The following USP15 variants were observed in gnomAD, a reference collection of about 807,000 sequenced individuals.
The protein encoded by USP15 is ubiquitin carboxyl-terminal hydrolase 15.
Under a neutral mutation model 127.1 loss-of-function variants are expected in USP15, and 18 were observed. That is an observed-to-expected ratio of 0.14 (90% CI 0.10 to 0.21). USP15 has a LOEUF of 0.21. USP15 is among the 10% of genes least tolerant of loss of function. The pLI is 1.00. For synonymous variants in USP15, 364 were observed against 393.7 expected, an observed-to-expected ratio of 0.92 and a Z score of 0.89; for missense variants, 805 against 1,159.9, an observed-to-expected ratio of 0.69 and a Z score of 4.44.
intron 5 of USP15, among the ~76,000 whole-genome samples, chr12:62,325,198 T>C (rs2065092132): frequency 6.6e-6 from 1 of 152,038 alleles, no homozygotes; most frequent in Non-Finnish European, 1.5e-5. Flanking sequence ...TAAAATAAAG[T>C]ATAGCTCTCC....
chr12:62,318,011 T>G (rs1455447519), intron 4 of USP15, among the ~76,000 whole-genome samples: 3 of 152,236 alleles, frequency 2.0e-5, no homozygotes, highest in Non-Finnish European at 4.4e-5. Flanking sequence ...ATTTCTAATT[T>G]TTGTGAGTAA....
chr12:62,415,464 A>G lies in USP15; in HGVS notation c.*11089A>G, dbSNP rs1247814364. ...CTGGGCACCCTGTGGCCCAGTCAAC[A>G]CATTAAATAAACCATCACATCCCTT... On this transcript the variant is annotated 3_prime_UTR_variant, in exon 22 of 22. Coordinates refer to ENST00000280377, the MANE Select transcript of USP15 (RefSeq NM_001252078.2). 6.6e-6 allele frequency: 1 copy of G among 152,222 alleles called. No homozygotes were observed. The highest frequency in any genetic ancestry group is 1.5e-5 in the Non-Finnish European group (1 of 68,044). 9.4% of individuals were successfully genotyped at this position (152,222 alleles called of 1,614,324 possible).
chr12:62,392,182 G>T, intron 17 of USP15, 90 bp from the exon 18 acceptor site: 1 of 861,186 alleles, frequency 1.2e-6, no homozygotes, highest in East Asian at 2.6e-5. Flanking sequence ...GAAAGTTTAG[G>T]AGTTTTCATT....
intron 21 of USP15, among the ~76,000 whole-genome samples, chr12:62,403,418 A>G (rs2067757313): frequency 6.6e-6 from 1 of 152,124 alleles, no homozygotes; most frequent in Non-Finnish European, 1.5e-5. Flanking sequence ...AGGAAAAGAA[A>G]TAGTGAAGCA....
chr12:62,304,249 A>G (rs2064410085), intron 3 of USP15, among the ~76,000 whole-genome samples: 1 of 152,196 alleles, frequency 6.6e-6, no homozygotes, highest in Non-Finnish European at 1.5e-5. Flanking sequence ...CAAAAATTTC[A>G]CACAAGTAGA....
Position 62,411,297 on chromosome 12 carries a change from A to G in USP15, c.*6922A>G, listed in dbSNP as rs1049710643. ...CTTTAACTGGCTCCTCACTTTTTAG[A>G]TGGATGGCACTGGGCTCTGGAGCAA... On this transcript the variant is annotated 3_prime_UTR_variant, in exon 22 of 22. Coordinates refer to ENST00000280377, the MANE Select transcript of USP15 (RefSeq NM_001252078.2). 6.6e-6 allele frequency: 1 copy of G among 152,198 alleles called. No individual in the cohort carries two copies. Among genetic ancestry groups the G allele is most frequent in the Admixed American group, 6.6e-5 (1 of 15,266 alleles). 9.4% of individuals were successfully genotyped at this position (152,198 alleles called of 1,614,324 possible). A position where few individuals can be genotyped will look rare whatever the true frequency, so the allele number is the denominator to read the frequency against.
chr12:62,294,523 G>A (rs946260478), intron 2 of USP15: 4 of 394,028 alleles, frequency 1.0e-5, no homozygotes, highest in African/African-American at 2.1e-5. Context: ...GATGTAATAA[G>A]GTTTTATTGT....
intron 15 of USP15, 82 bp from the exon 16 acceptor site, chr12:62,391,075 C>T: frequency 6.7e-7 from 1 of 1,502,862 alleles, no homozygotes; most frequent in East Asian, 2.5e-5. Flanking sequence ...TAAAAAATAC[C>T]TGGAAACCTA....
chr12:62,391,088 A>T (rs2067312223), intron 15 of USP15, 69 bp from the exon 16 acceptor site: 2 of 1,494,102 alleles, frequency 1.3e-6, no homozygotes, highest in Non-Finnish European at 8.9e-7. Context: ...GAAACCTAGG[A>T]TTAATAATAT....
At chr12:62,377,771 A>G (rs771833470) in intron 8 of USP15, among the ~76,000 whole-genome samples, 2 of 151,274 alleles carry the variant, frequency 1.3e-5, no homozygotes, top group Non-Finnish European at 2.9e-5. Context: ...CAGAATGATG[A>G]CATTGAATAC....
At chr12:62,342,976 A>C (rs1299728715) in intron 6 of USP15, among the ~76,000 whole-genome samples, 1 of 152,166 alleles carries the variant, frequency 6.6e-6, no homozygotes, top group Admixed American at 6.5e-5. Flanking sequence ...CTTCAGAGCC[A>C]GCAGCCAGGA....
intron 8 of USP15, 85 bp downstream of exon 8, chr12:62,355,560 C>T (rs367808844): frequency 2.8e-6 from 4 of 1,409,738 alleles, no homozygotes; most frequent in African/African-American, 2.9e-5. Flanking sequence ...CATGCCAGAA[C>T]ATGAGTATAT....
intron 5 of USP15, among the ~76,000 whole-genome samples, 185 bp from the exon 6 acceptor site, chr12:62,325,687 A>AG (rs2065105127): frequency 6.6e-6 from 1 of 151,970 alleles, no homozygotes; most frequent in African/African-American, 2.4e-5. Flanking sequence ...TTGTTATTTG[A>AG]GGTCTTTTAG....
intron 20 of USP15, among the ~76,000 whole-genome samples, chr12:62,398,713 G>A (rs1454493033): frequency 1.3e-5 from 2 of 152,120 alleles, no homozygotes; most frequent in Non-Finnish European, 2.9e-5. Flanking sequence ...CCTTAAACGT[G>A]TGTATGCTTG....
At position 62,405,862 on chromosome 12, in the gene USP15, A is replaced by G. The variant is rs1372503146; in HGVS notation, c.*1487A>G. 6.6e-6 allele frequency: 1 copy of G among 152,578 alleles called. No individual in the cohort carries two copies. Among genetic ancestry groups the G allele is most frequent in the Admixed American group, 6.6e-5 (1 of 15,264 alleles). 9.5% of individuals were successfully genotyped at this position (152,578 alleles called of 1,614,324 possible). Reference sequence around the variant, plus strand: ...TTTATGTTAGCATTTAAAAGTTTAAAAAAAATGCATTTGACCAGGATAAAT... The same window carrying G: ...TTTATGTTAGCATTTAAAAGTTTAAGAAAAATGCATTTGACCAGGATAAAT... On this transcript the variant is annotated 3_prime_UTR_variant, in exon 22 of 22. Transcript: ENST00000280377.
intron 1 of USP15, among the ~76,000 whole-genome samples, chr12:62,261,355 AACTT>A: frequency 6.6e-6 from 1 of 152,356 alleles, no homozygotes; most frequent in East Asian, 1.9e-4. Flanking sequence ...CATCTACAAT[AACTT>A]AAATATGTGA....
At position 62,370,174 on chromosome 12, in the gene USP15, G is replaced by C. The variant is rs1339716502; in HGVS notation, c.916-11316G>C. On this transcript the variant is annotated intron_variant, in intron 8 of 21. Transcript: ENST00000280377. ...ATTTTTAGTAGAGACAGGGTGATCTGCCCGTCTCGGCCTCCCAAAGTGCTG... is the reference window on the plus strand; with the variant it reads ...ATTTTTAGTAGAGACAGGGTGATCTCCCCGTCTCGGCCTCCCAAAGTGCTG... 3.9e-5 allele frequency among the ~76,000 whole-genome samples: 6 copies of C among 152,152 alleles called. No individual in the cohort carries two copies. In the East Asian group the frequency reaches 1.2e-3, roughly 30 times the overall value.
chr12:62,326,240 G>T (rs77686964), intron 6 of USP15, among the ~76,000 whole-genome samples: 1 of 152,078 alleles, frequency 6.6e-6, no homozygotes, highest in Non-Finnish European at 1.5e-5. Context: ...AAGCTTTTTC[G>T]TGGTTTTTAA....
At position 62,357,821 on chromosome 12, in the gene USP15, A is replaced by G. The variant is rs566731452; in HGVS notation, c.915+2346A>G. 9.9e-5 allele frequency among the ~76,000 whole-genome samples: 15 copies of G among 152,192 alleles called. No homozygotes were observed. The South Asian group carries it at 3.1e-3, about 31-fold the overall frequency. ...TAAGATGTCAGCTCTCGAGCTGAAA[A>G]TTGACTGTAAGAGGGAGTACAAAAT... On this transcript the variant is annotated intron_variant, in intron 8 of 21. Transcript: ENST00000280377.
Sources: gnomAD v4.1 joint callset for allele counts (sites outside exome capture counted in the v4.1 genomes callset) on GRCh38, gnomAD v4.1.1 for gene constraint, MANE v1.5 for transcripts, NCBI Gene and HGNC (gene_info 2026-07-23, HGNC 2026-07-21) for gene names.